The following TRPM1 variants were observed in gnomAD, a reference collection of about 807,000 sequenced individuals.
The protein encoded by TRPM1 is transient receptor potential cation channel subfamily M member 1, also known as TRPM1-203 APA Isoform, Intron 10.
Under a neutral mutation model 149.4 loss-of-function variants are expected in TRPM1, and 113 were observed. The observed-to-expected ratio is 0.76, with a 90% confidence interval of 0.65 to 0.88. The LOEUF (loss-of-function observed/expected upper bound fraction) is 0.88, where lower values mean the gene tolerates loss of function less well. Among genes scored for constraint, TRPM1 ranks in the 40% least tolerant of loss-of-function variants. The probability of loss-of-function intolerance (pLI) is 0.00; values close to 1 mark genes in which losing one functional copy is unlikely to be tolerated. For synonymous variants in TRPM1, 741 were observed against 759.5 expected (o/e 0.98, Z 0.40); for missense variants, 1,976 against 2,038.7 (o/e 0.97, Z 0.59).
At chr15:31,126,892 G>A (rs750044558) in intron 1 of TRPM1, among the ~76,000 whole-genome samples, 2 of 152,126 alleles carry the variant, frequency 1.3e-5, no homozygotes, top group Non-Finnish European at 2.9e-5. Context: ...GCTTGAACCC[G>A]GGAGGTGGAG....
At chr15:31,063,778 C>T (rs2034298747) in intron 7 of TRPM1, among the ~76,000 whole-genome samples, 1 of 152,178 alleles carries the variant, frequency 6.6e-6, no homozygotes, top group African/African-American at 2.4e-5. Context: ...CATTCTGTCA[C>T]ATATTATGGC....
intron 1 of TRPM1, among the ~76,000 whole-genome samples, chr15:31,135,286 A>T (rs921558532): frequency 3.3e-5 from 5 of 152,170 alleles, no homozygotes; most frequent in African/African-American, 1.2e-4. Flanking sequence ...GTTACACACC[A>T]CCATAGCCAA....
chr15:31,159,989 T>G (rs2036424763), intron 1 of TRPM1, among the ~76,000 whole-genome samples: 1 of 152,120 alleles, frequency 6.6e-6, no homozygotes, highest in African/African-American at 2.4e-5. Context: ...CTGCACCTAC[T>G]GCCGCTCTGC....
upstream of TRPM1, among the ~76,000 whole-genome samples, chr15:31,106,388 G>C (rs1041976112): frequency 2.0e-5 from 3 of 151,862 alleles, no homozygotes; most frequent in Non-Finnish European, 4.4e-5. Context: ...CACCCGCCTC[G>C]GCTGCCCAAG....
chr15:31,034,252 C>G (rs1477030663), intron 21 of TRPM1, among the ~76,000 whole-genome samples: 2 of 152,214 alleles, frequency 1.3e-5, no homozygotes, highest in Non-Finnish European at 2.9e-5. Flanking sequence ...TACATTTTCA[C>G]TCGAGCTCTC....
intron 1 of TRPM1, among the ~76,000 whole-genome samples, chr15:31,112,335 G>A (rs1377970191): frequency 1.3e-5 from 2 of 152,142 alleles, no homozygotes; most frequent in African/African-American, 2.4e-5. Context: ...AAAATTAGCC[G>A]TGCATGGTGG....
At chr15:31,067,832 T>C (rs1235151643) in intron 5 of TRPM1, 47 bp downstream of exon 5, 27 of 1,584,306 alleles carry the variant, frequency 1.7e-5, no homozygotes, top group Non-Finnish European at 2.3e-5. Flanking sequence ...CCACAGTGAG[T>C]TCTGGGTGGT....
intron 1 of TRPM1, among the ~76,000 whole-genome samples, chr15:31,144,711 GA>G (rs138061417): frequency 0.097 from 13,876 of 142,834 alleles, 762 homozygotes; most frequent in South Asian, 0.13. Flanking sequence ...TTGTTTTTGA[GA>G]TTTTTTTTTT....
chr15:31,104,662 C>T (rs188854732), upstream of TRPM1, among the ~76,000 whole-genome samples: 4,891 of 144,518 alleles, frequency 0.034, 98 homozygotes, highest in Non-Finnish European at 0.049. Flanking sequence ...GGCGCCATCT[C>T]GGCTCACTGC....
At chr15:31,038,261 C>T (rs575105873) in intron 18 of TRPM1, 95 bp from the exon 19 acceptor site, 285 of 1,406,556 alleles carry the variant, frequency 2.0e-4, no homozygotes, top group Non-Finnish European at 2.6e-4. Flanking sequence ...CAACATTATT[C>T]AATAACCTAG....
intron 21 of TRPM1, 24 bp from the exon 22 acceptor site, chr15:31,032,964 A>G: frequency 6.2e-7 from 1 of 1,613,880 alleles, no homozygotes; most frequent in Non-Finnish European, 8.5e-7. Flanking sequence ...CCAAAGAACA[A>G]TAAACTGAGA....
chr15:31,096,352 C>T (rs1226036527), intron 1 of TRPM1, among the ~76,000 whole-genome samples: 1 of 152,192 alleles, frequency 6.6e-6, no homozygotes, highest in Non-Finnish European at 1.5e-5. Flanking sequence ...AGCAATAAAA[C>T]ATCTTAAAAG....
chr15:31,118,793 C>A (rs1339196774), intron 1 of TRPM1, among the ~76,000 whole-genome samples: 3 of 152,122 alleles, frequency 2.0e-5, no homozygotes, highest in Admixed American at 1.3e-4. Context: ...CTGATAAGGG[C>A]ATGAATCCCA....
chr15:31,094,715 A>G (rs2035330989), intron 1 of TRPM1, among the ~76,000 whole-genome samples: 1 of 152,190 alleles, frequency 6.6e-6, no homozygotes, highest in African/African-American at 2.4e-5. Flanking sequence ...TCCCAAAATA[A>G]AAAAATAGTA....
chr15:31,023,203 G>A (rs1318671800), intron 27 of TRPM1, among the ~76,000 whole-genome samples: 1 of 152,208 alleles, frequency 6.6e-6, no homozygotes, highest in Non-Finnish European at 1.5e-5. Context: ...ATTGGCATTT[G>A]GGCAGAGATC....
chr15:31,026,301 G>A (rs748307403), intron 26 of TRPM1, 30 bp from the exon 27 acceptor site: 33 of 1,605,832 alleles, frequency 2.1e-5, no homozygotes, highest in East Asian at 8.9e-5. Flanking sequence ...TCGGCCACGT[G>A]AAAAACAAGA....
intron 1 of TRPM1, among the ~76,000 whole-genome samples, chr15:31,160,324 G>A (rs923894511): frequency 1.3e-5 from 2 of 152,182 alleles, no homozygotes; most frequent in Admixed American, 6.5e-5. Context: ...GTTCCTGGGA[G>A]AGGCCGTTCC....
intron 1 of TRPM1, among the ~76,000 whole-genome samples, chr15:31,139,442 A>G: frequency 6.6e-6 from 1 of 152,232 alleles, no homozygotes; most frequent in Admixed American, 6.5e-5. Context: ...AATCTTATTA[A>G]AACTATAAGA....
chr15:31,038,827 G>T (rs2033513871), intron 18 of TRPM1, among the ~76,000 whole-genome samples: 1 of 151,746 alleles, frequency 6.6e-6, no homozygotes. Context: ...AGTGAAGTAG[G>T]CCAAAAGTAT....
Sources: allele counts gnomAD v4.1 joint callset (sites outside exome capture counted in the v4.1 genomes callset), GRCh38; gene constraint gnomAD v4.1.1; transcripts MANE v1.5; gene names NCBI Gene and HGNC (gene_info 2026-07-23, HGNC 2026-07-21).